The following TF variants were observed in gnomAD, a reference collection of about 807,000 sequenced individuals.
TF encodes transferrin, also known as serotransferrin.
A neutral mutation model predicts 82.4 loss-of-function variants in TF; 55 were observed. The observed-to-expected ratio is 0.67, with a 90% CI of 0.54 to 0.84. The LOEUF is 0.84. Among genes scored for constraint, TF ranks in the 40% least tolerant of loss-of-function variants. The probability of loss-of-function intolerance (pLI) is 0.00; values close to 1 mark genes in which losing one functional copy is unlikely to be tolerated. For synonymous variants in TF, 332 were observed against 332.6 expected, an observed-to-expected ratio of 1.00 and a Z score of 0.02; for missense variants, 737 against 868.4, an observed-to-expected ratio of 0.85 and a Z score of 1.90.
chr3:133,768,512 A>G (rs1274173970), intron 13 of TF, among the ~76,000 whole-genome samples: 2 of 152,370 alleles, frequency 1.3e-5, no homozygotes, highest in African/African-American at 2.4e-5. Flanking sequence ...CGTAGAAGCC[A>G]CTAAACATTC....
chr3:133,724,541 G>C, the TF span, among the ~76,000 whole-genome samples: 1,004 of 152,312 alleles, frequency 6.6e-3, 8 homozygotes, highest in African/African-American at 0.022. Flanking sequence ...GTTCATTGTA[G>C]ATTCTGGATA....
chr3:133,671,773 A>T, the TF span, among the ~76,000 whole-genome samples: 1 of 149,604 alleles, frequency 6.7e-6, no homozygotes, highest in Non-Finnish European at 1.5e-5. Flanking sequence ...AGCCTGGGCG[A>T]TAGAGTGAGA....
chr3:133,756,660 T>A (rs896008955), intron 6 of TF, among the ~76,000 whole-genome samples, 171 bp from the exon 7 acceptor site: 1 of 152,160 alleles, frequency 6.6e-6, no homozygotes, highest in African/African-American at 2.4e-5. Context: ...ATCAGAAGCC[T>A]TTACCTGGCT....
chr3:133,679,018 G>A, the TF span, among the ~76,000 whole-genome samples: 1 of 151,952 alleles, frequency 6.6e-6, no homozygotes, highest in East Asian at 1.9e-4. Flanking sequence ...GATTACAGGT[G>A]GGCACCACCA....
chr3:133,716,094 TTGCTGG>T, the TF span, among the ~76,000 whole-genome samples: 7 of 152,196 alleles, frequency 4.6e-5, no homozygotes, highest in African/African-American at 1.7e-4. Context: ...TCAGTCTCTT[TTGCTGG>T]TTCTGTCCAC....
the TF span, among the ~76,000 whole-genome samples, chr3:133,694,603 G>A: frequency 6.6e-6 from 1 of 152,182 alleles, no homozygotes; most frequent in Middle Eastern, 3.2e-3. Context: ...GGAATGCTAG[G>A]GAGACAGACT....
chr3:133,777,602 G>A (rs1161935302), intron 16 of TF: 2 of 192,758 alleles, frequency 1.0e-5, no homozygotes, highest in Non-Finnish European at 2.2e-5. Context: ...TTAAATTTAA[G>A]TTAATTAAAA....
chr3:133,712,199 G>T, the TF span, among the ~76,000 whole-genome samples: 11 of 152,200 alleles, frequency 7.2e-5, no homozygotes, highest in Non-Finnish European at 1.3e-4. Flanking sequence ...CAGAGCCTGT[G>T]TCTGATTTCC....
chr3:133,770,468 A>G, intron 13 of TF, 40 bp from the exon 14 acceptor site: 1 of 1,606,778 alleles, frequency 6.2e-7, no homozygotes, highest in Non-Finnish European at 8.5e-7. Flanking sequence ...AGTCACTCTG[A>G]CCGCCTTTTT....
chr3:133,670,955 T>C, the TF span, among the ~76,000 whole-genome samples: 2 of 152,038 alleles, frequency 1.3e-5, no homozygotes, highest in Non-Finnish European at 2.9e-5. Flanking sequence ...AAAACAGAAG[T>C]GGAGGCAAGA....
chr3:133,787,928 T>C lies in TF; in HGVS notation c.*9308T>C, dbSNP rs1384570601. The C allele has an allele frequency of 2.0e-5, 3 of 152,206 alleles. No homozygotes were observed. The highest frequency in any genetic ancestry group is 4.4e-5 in the Non-Finnish European group (3 of 68,038). The allele number at this position is 152,206 out of a possible 1,614,324, so 9.4% of individuals were successfully genotyped here. A position where few individuals can be genotyped will look rare whatever the true frequency, so the allele number is the denominator to read the frequency against. On this transcript the variant is annotated 3_prime_UTR_variant, in exon 17 of 17. Coordinates refer to ENST00000402696, the MANE Select transcript of TF (RefSeq NM_001063.4). ...AAGACTATCTTCTGAAAACGACTTT[T>C]GGAAGTGAAATGATAACATCAACCC...
At position 133,785,124 on chromosome 3, in the gene TF, G is replaced by A. The variant is rs1934630039; in HGVS notation, c.*6504G>A. 2.4e-5 allele frequency: 3 copies of A among 124,906 alleles called. No individual in the cohort carries two copies. The highest frequency in any genetic ancestry group is 5.3e-5 in the Non-Finnish European group (3 of 56,370). The allele number at this position is 124,906 out of a possible 1,614,324, so 7.7% of individuals were successfully genotyped here. ...AGCCGCCCCGTCCGGGAGGGAGGTG[G>A]GGGGGTCAGCCCCCCGCCCGGCCAG... is the stretch of plus-strand genomic sequence containing the variant. On this transcript the variant is annotated 3_prime_UTR_variant, in exon 17 of 17. Transcript: ENST00000402696.
chr3:133,763,780 AG>A (rs1353038815), intron 9 of TF, among the ~76,000 whole-genome samples: 1 of 152,226 alleles, frequency 6.6e-6, no homozygotes, highest in Non-Finnish European at 1.5e-5. Flanking sequence ...TAGAGGCTAG[AG>A]CCCCCCTTCA....
the TF span, among the ~76,000 whole-genome samples, chr3:133,695,814 A>T: frequency 6.6e-6 from 1 of 152,168 alleles, no homozygotes; most frequent in South Asian, 2.1e-4. Flanking sequence ...CTGGAACACA[A>T]GCCCTTTGAT....
chr3:133,678,698 T>G, the TF span, among the ~76,000 whole-genome samples: 2 of 152,364 alleles, frequency 1.3e-5, no homozygotes, highest in East Asian at 3.9e-4. Context: ...GCCCACTTTT[T>G]GATGGGGTTG....
At chr3:133,667,697 G>A in the TF span, among the ~76,000 whole-genome samples, 1 of 152,210 alleles carries the variant, frequency 6.6e-6, no homozygotes, top group Non-Finnish European at 1.5e-5. Flanking sequence ...TATCAATAGA[G>A]GCAAAGGCTT....
chr3:133,748,073 C>T, intron 1 of TF: 1 of 376,986 alleles, frequency 2.7e-6, no homozygotes, highest in Non-Finnish European at 5.0e-6. Context: ...CATACTGAGG[C>T]TTATGTTCCA....
At chr3:133,774,998 C>A in intron 14 of TF, 1 of 333,830 alleles carries the variant, frequency 3.0e-6, no homozygotes, top group Non-Finnish European at 5.9e-6. Flanking sequence ...AATTCTGGTG[C>A]AGATTCCAAA....
rs550257028 is a variant in TF, at chr3:133,780,082, G to C, written c.*1462G>C. 6.6e-6 allele frequency: 1 copy of C among 152,242 alleles called. No individual in the cohort carries two copies. Among genetic ancestry groups the C allele is most frequent in the South Asian group, 2.1e-4 (1 of 4,804 alleles). 9.4% of individuals were successfully genotyped at this position (152,242 alleles called of 1,614,324 possible). On this transcript the variant is annotated 3_prime_UTR_variant, in exon 17 of 17. Transcript: ENST00000402696. Reference sequence around the variant, plus strand: ...ACTCAAATACAGAAGTGCAGATAAGGGGTATCTGGACACAACATTCCACAC... The same window carrying C: ...ACTCAAATACAGAAGTGCAGATAAGCGGTATCTGGACACAACATTCCACAC...
Sources: gnomAD v4.1 joint callset for allele counts (sites outside exome capture counted in the v4.1 genomes callset) on GRCh38, gnomAD v4.1.1 for gene constraint, MANE v1.5 for transcripts, NCBI Gene and HGNC (gene_info 2026-07-23, HGNC 2026-07-21) for gene names.